RABGEF1: variants seen among roughly 807,000 people sequenced by gnomAD.
RABGEF1 encodes RAB guanine nucleotide exchange factor 1.
RABGEF1 carries 26 observed loss-of-function variants against 57.3 expected under a neutral mutation model. The observed-to-expected ratio is 0.45, with a 90% CI of 0.33 to 0.63. The LOEUF (loss-of-function observed/expected upper bound fraction) is 0.63. Ranked by LOEUF, RABGEF1 falls within the 20% of genes least tolerant of loss-of-function variation. The probability of loss-of-function intolerance (pLI) is 0.02; values close to 1 mark genes in which losing one functional copy is unlikely to be tolerated. For synonymous variants in RABGEF1, 185 were observed against 210.7 expected (o/e 0.88, Z 1.06); for missense variants, 464 against 607.6 (o/e 0.76, Z 2.48).
intron 3 of RABGEF1, among the ~76,000 whole-genome samples, chr7:66,782,152 A>G (rs1810070466): frequency 6.6e-6 from 1 of 152,238 alleles, no homozygotes; most frequent in African/African-American, 2.4e-5. Context: ...TTCCATTGAG[A>G]TAAAAAATAT....
chr7:66,794,025 ATTTG>A (rs921079641), intron 4 of RABGEF1, among the ~76,000 whole-genome samples: 2 of 152,068 alleles, frequency 1.3e-5, no homozygotes, highest in Non-Finnish European at 2.9e-5. Context: ...CACCCGAATA[ATTTG>A]TTTGCTTTCA....
At chr7:66,709,406 T>G (rs1794521864) in intron 1 of RABGEF1, among the ~76,000 whole-genome samples, 1 of 152,218 alleles carries the variant, frequency 6.6e-6, no homozygotes, top group Non-Finnish European at 1.5e-5. Context: ...CCCATTACAG[T>G]GTACATAAGC....
At position 66,703,452 on chromosome 7, in the gene RABGEF1, A is replaced by T. The variant is rs73377565; in HGVS notation, c.-872-8715A>T. Among the ~76,000 whole-genome samples the T allele has an allele frequency of 1.2e-3, 178 of 152,220 alleles. 1 individual carries two copies. The highest frequency in any genetic ancestry group is 4.2e-3 in the African/African-American group (174 of 41,536). On this transcript the variant is annotated intron_variant and NMD_transcript_variant, in intron 1 of 9. Coordinates refer to the RABGEF1 transcript ENST00000607882. ...ACAGTTAGGTCTTTTATCCATTTTGAATTATGATGTCAGGTAAAGATACAT... is the reference window on the plus strand; with the variant it reads ...ACAGTTAGGTCTTTTATCCATTTTGTATTATGATGTCAGGTAAAGATACAT...
intron 3 of RABGEF1, among the ~76,000 whole-genome samples, chr7:66,777,007 T>C (rs976255572): frequency 2.6e-5 from 4 of 152,162 alleles, no homozygotes; most frequent in Non-Finnish European, 5.9e-5. Context: ...CAGAGGCACG[T>C]GATGAGGATT....
intron 2 of RABGEF1, among the ~76,000 whole-genome samples, chr7:66,715,633 T>A (rs1362517030): frequency 1.3e-5 from 2 of 152,256 alleles, no homozygotes; most frequent in Non-Finnish European, 2.9e-5. Flanking sequence ...GTTCTATTAT[T>A]GACTTCTAGT....
At chr7:66,785,889 A>T (rs1213967276) in intron 4 of RABGEF1, among the ~76,000 whole-genome samples, 1 of 152,018 alleles carries the variant, frequency 6.6e-6, no homozygotes, top group African/African-American at 2.4e-5. Flanking sequence ...GAAAAAAAAA[A>T]AGTCTTTGTA....
intron 1 of RABGEF1, among the ~76,000 whole-genome samples, chr7:66,695,835 G>A (rs2659908): frequency 0.34 from 51,669 of 151,642 alleles, 9,191 homozygotes; most frequent in Middle Eastern, 0.49. Flanking sequence ...GTGTGGTAGC[G>A]AACGCCTGTA....
upstream of RABGEF1, among the ~76,000 whole-genome samples, chr7:66,680,589 T>A (rs1386894494): frequency 6.6e-6 from 1 of 151,050 alleles, no homozygotes; most frequent in South Asian, 2.1e-4. Flanking sequence ...TAGCACACAT[T>A]AGGCACCTAG....
At chr7:66,753,751 G>C (rs1802023742) in intron 1 of RABGEF1, among the ~76,000 whole-genome samples, 1 of 132,642 alleles carries the variant, frequency 7.5e-6, no homozygotes, top group Non-Finnish European at 1.5e-5. Flanking sequence ...CTGTCACCTG[G>C]GCTGGTGTGC....
intron 1 of RABGEF1, among the ~76,000 whole-genome samples, chr7:66,691,376 T>A (rs1240047950): frequency 8.0e-6 from 1 of 124,492 alleles, no homozygotes; most frequent in Admixed American, 7.7e-5. Flanking sequence ...ACAGCCCAGA[T>A]GTCTGTACCC....
intron 2 of RABGEF1, among the ~76,000 whole-genome samples, chr7:66,722,730 G>A (rs1479404585): frequency 6.6e-6 from 1 of 152,160 alleles, no homozygotes; most frequent in East Asian, 1.9e-4. Context: ...AAGTCAAGGA[G>A]TGTGAGTCTT....
intron 1 of RABGEF1, among the ~76,000 whole-genome samples, chr7:66,760,658 G>C (rs1562802506): frequency 6.6e-6 from 1 of 152,036 alleles, no homozygotes; most frequent in Non-Finnish European, 1.5e-5. Flanking sequence ...TGGCCAGCCT[G>C]GTCTCAAACT....
intron 1 of RABGEF1, among the ~76,000 whole-genome samples, chr7:66,743,928 G>A (rs527932412): frequency 1.3e-5 from 2 of 152,182 alleles, no homozygotes; most frequent in Admixed American, 1.3e-4. Context: ...ACTGCACCCG[G>A]CCCTAAAATG....
intron 2 of RABGEF1, among the ~76,000 whole-genome samples, chr7:66,713,164 C>T (rs1449068326): frequency 7.0e-6 from 1 of 143,024 alleles, no homozygotes; most frequent in African/African-American, 2.6e-5. Context: ...TTTTTTGAGA[C>T]GTAGTCTCCC....
chr7:66,756,211 C>T, intron 1 of RABGEF1: 1 of 563,694 alleles, frequency 1.8e-6, no homozygotes, highest in East Asian at 3.1e-5. Flanking sequence ...GATGGCTAAC[C>T]TTAGGGAAAT....
At chr7:66,660,191 GA>G in the RABGEF1 span, among the ~76,000 whole-genome samples, 2 of 151,622 alleles carry the variant, frequency 1.3e-5, no homozygotes, top group African/African-American at 4.8e-5. Context: ...ACTAAAAATA[GA>G]AAAAAATCAG....
intron 4 of RABGEF1, 35 bp downstream of exon 4, chr7:66,783,876 T>G: frequency 6.3e-7 from 1 of 1,588,838 alleles, no homozygotes; most frequent in Non-Finnish European, 8.6e-7. Flanking sequence ...AACATAGAGT[T>G]TTGGTTTGAG....
intron 4 of RABGEF1, among the ~76,000 whole-genome samples, chr7:66,794,881 C>G (rs545965664): frequency 6.6e-6 from 1 of 152,160 alleles, no homozygotes; most frequent in South Asian, 2.1e-4. Flanking sequence ...ATAAAGCCAC[C>G]AGAAATGATT....
At chr7:66,767,944 T>C (rs1369628157) in intron 1 of RABGEF1, among the ~76,000 whole-genome samples, 1 of 152,230 alleles carries the variant, frequency 6.6e-6, no homozygotes, top group Admixed American at 6.5e-5. Context: ...GGTGTACTGA[T>C]ACCTGTTGTT....
Sources: allele counts gnomAD v4.1 joint callset (sites outside exome capture counted in the v4.1 genomes callset), GRCh38; gene constraint gnomAD v4.1.1; transcripts MANE v1.5; gene names NCBI Gene and HGNC (gene_info 2026-07-23, HGNC 2026-07-21).